PCDHA10: variants seen among roughly 807,000 people sequenced by gnomAD.
The protein encoded by PCDHA10 is protocadherin alpha-10.
Under a neutral mutation model 61.2 loss-of-function variants are expected in PCDHA10, and 45 were observed. The observed-to-expected ratio is 0.74, with a 90% CI of 0.58 to 0.94. The LOEUF (loss-of-function observed/expected upper bound fraction) is 0.94. Among genes scored for constraint, PCDHA10 ranks in the 40% least tolerant of loss-of-function variants. The pLI, the probability that PCDHA10 is intolerant of heterozygous loss-of-function variation, is 0.00. For synonymous variants in PCDHA10, 602 were observed against 548.8 expected (o/e 1.10, Z -1.35); for missense variants, 1,278 against 1,236.2 (o/e 1.03, Z -0.51).
rs782634199 is a variant in PCDHA10 at position 140,882,705 on chromosome 5, G to A, written c.2388+24269G>A. The A allele has an allele frequency of 3.7e-6, 6 of 1,614,172 alleles. No individual in the cohort carries two copies. The South Asian group carries it at 6.6e-5, about 18-fold the overall frequency. On this transcript the variant is annotated intron_variant, in intron 1 of 3. Transcript: ENST00000307360. ...AAACGAATAATCATTGCAGAATCTA[G>A]ACCTCCGGAAACTCGATTTCCACTA...
Position 141,011,633 on chromosome 5 carries a change from G to C in PCDHA10, c.*1696G>C, listed in dbSNP as rs988824031. On this transcript the variant is annotated 3_prime_UTR_variant, in exon 4 of 4. Coordinates refer to ENST00000307360, the MANE Select transcript of PCDHA10 (RefSeq NM_018901.4). ...TTATGGTCCAGCCAAGAGCCATCTC[G>C]TGCCAAGACTTCTGCTGGCAAGGGA... 6.5e-6 allele frequency: 1 copy of C among 153,624 alleles called. No homozygotes were observed. Among genetic ancestry groups the C allele is most frequent in the Non-Finnish European group, 1.5e-5 (1 of 68,022 alleles). 9.5% of individuals were successfully genotyped at this position (153,624 alleles called of 1,614,324 possible). A position where few individuals can be genotyped will look rare whatever the true frequency, so the allele number is the denominator to read the frequency against.
At chr5:140,905,669 A>G (rs781948009) in intron 1 of PCDHA10, among the ~76,000 whole-genome samples, 11 of 152,228 alleles carry the variant, frequency 7.2e-5, no homozygotes, top group Admixed American at 2.0e-4. Flanking sequence ...ATCCATTAAC[A>G]TGGAACATAT....
At chr5:140,991,411 C>G (rs905076175) in intron 3 of PCDHA10, among the ~76,000 whole-genome samples, 8 of 152,156 alleles carry the variant, frequency 5.3e-5, no homozygotes, top group Admixed American at 5.2e-4. Flanking sequence ...TCCCATTATG[C>G]TATAACAAAT....
chr5:140,939,488 T>C (rs1554212750), intron 1 of PCDHA10, among the ~76,000 whole-genome samples: 1 of 151,188 alleles, frequency 6.6e-6, no homozygotes, highest in Non-Finnish European at 1.5e-5. Flanking sequence ...AGAATGTTAA[T>C]TATAAATTCA....
At chr5:140,993,470 A>T (rs1348899420) in intron 3 of PCDHA10, among the ~76,000 whole-genome samples, 10 of 115,268 alleles carry the variant, frequency 8.7e-5, no homozygotes, top group East Asian at 7.9e-4. Flanking sequence ...TCTCACACAC[A>T]CACACACACA....
At chr5:141,005,701 CAAAAAAAAAAAAAAAAAAAA>C (rs59860837) in intron 3 of PCDHA10, among the ~76,000 whole-genome samples, 1 of 7,786 alleles carries the variant, frequency 1.3e-4, no homozygotes, top group Admixed American at 1.6e-3. Flanking sequence ...AACTCCGTCT[CAAAAAAAAAAAAAAAAAAAA>C]AAAAAAAAAA....
At chr5:140,986,052 C>A (rs896963006) in intron 3 of PCDHA10, among the ~76,000 whole-genome samples, 3 of 152,066 alleles carry the variant, frequency 2.0e-5, no homozygotes, top group Admixed American at 1.3e-4. Flanking sequence ...CTGATGAATT[C>A]TTTTGCTTTT....
In PCDHA10 at chr5:140,952,512, CATCT is replaced by C. The variant is rs2094757607; in HGVS notation, c.2389-26436_2389-26433del. ...CAGTCCTCAGTAAGTTCCTCATCTC[CATCT>C]GAGACCTCCTCAGACTGGACTTCTT... On this transcript the variant is annotated intron_variant, in intron 1 of 3. Coordinates refer to ENST00000307360, the MANE Select transcript of PCDHA10 (RefSeq NM_018901.4). 2.0e-5 allele frequency among the ~76,000 whole-genome samples: 3 copies of C among 152,242 alleles called. No individual in the cohort carries two copies. The South Asian group carries it at 6.2e-4, about 32-fold the overall frequency.
chr5:140,966,659 G>T, intron 1 of PCDHA10: 1 of 1,217,656 alleles, frequency 8.2e-7, no homozygotes, highest in South Asian at 2.0e-5. Flanking sequence ...AGCGGTGGGG[G>T]AGCAGGCGCA....
At chr5:140,883,244 G>C in intron 1 of PCDHA10, 3 of 1,614,014 alleles carry the variant, frequency 1.9e-6, no homozygotes, top group Non-Finnish European at 2.5e-6. Context: ...AGTTGACAAA[G>C]GAAATATTCC....
At chr5:140,891,849 C>G (rs1446447359) in intron 1 of PCDHA10, among the ~76,000 whole-genome samples, 2 of 152,262 alleles carry the variant, frequency 1.3e-5, no homozygotes, top group African/African-American at 4.8e-5. Context: ...TGGAAGGAGC[C>G]TGTCCCTCTC....
chr5:140,924,178 A>C (rs2081709408), intron 1 of PCDHA10, among the ~76,000 whole-genome samples: 3 of 152,260 alleles, frequency 2.0e-5, no homozygotes. Context: ...GCACTGAAGC[A>C]GAAAATTAGT....
intron 1 of PCDHA10, chr5:140,966,708 C>G (rs1033433543): frequency 7.2e-7 from 1 of 1,384,746 alleles, no homozygotes; most frequent in Non-Finnish European, 9.3e-7. Context: ...GCGTGGGGCA[C>G]GGCTGGGGAA....
chr5:140,912,878 T>C (rs2076104558), intron 1 of PCDHA10, among the ~76,000 whole-genome samples: 1 of 152,236 alleles, frequency 6.6e-6, no homozygotes, highest in Non-Finnish European at 1.5e-5. Flanking sequence ...GTTTTTGGTC[T>C]TCATTCTGTT....
At chr5:140,958,530 A>G (rs1283308982) in intron 1 of PCDHA10, among the ~76,000 whole-genome samples, 1 of 152,188 alleles carries the variant, frequency 6.6e-6, no homozygotes, top group East Asian at 1.9e-4. Flanking sequence ...TACTATGTGT[A>G]CATTGATTTA....
intron 1 of PCDHA10, among the ~76,000 whole-genome samples, chr5:140,942,409 TAAA>T (rs78736997): frequency 7.0e-6 from 1 of 143,620 alleles, no homozygotes; most frequent in Non-Finnish European, 1.5e-5. Context: ...AGACTCTGTT[TAAA>T]AAAAAAAAAG....
At position 141,010,091 on chromosome 5, in the gene PCDHA10, A is replaced by G; in HGVS notation, c.*154A>G. The G allele has an allele frequency of 6.2e-7, 1 of 1,612,860 alleles. No individual in the cohort carries two copies. The highest frequency in any genetic ancestry group is 8.5e-7 in the Non-Finnish European group (1 of 1,179,382). ...AGTTCCCTGTGTCTGTCTAGAACGCATTTAACAGGTTTTGTCGTAAAAGCT... is the reference window on the plus strand; with the variant it reads ...AGTTCCCTGTGTCTGTCTAGAACGCGTTTAACAGGTTTTGTCGTAAAAGCT... On this transcript the variant is annotated 3_prime_UTR_variant, in exon 4 of 4. Coordinates refer to ENST00000307360, the MANE Select transcript of PCDHA10 (RefSeq NM_018901.4).
rs1019135464 is a variant in PCDHA10, at chr5:140,897,033, A to G, written c.2388+38597A>G. On this transcript the variant is annotated intron_variant, in intron 1 of 3. Transcript: ENST00000307360. ...TATACAACTAAATTATTTAGACCAT[A>G]GTCACCCTATTCTGCTGTCAAATAC... Among the ~76,000 whole-genome samples, 4 of 152,124 alleles carry G rather than the reference A, an allele frequency of 2.6e-5. No homozygotes were observed. The East Asian group carries it at 7.7e-4, about 29-fold the overall frequency.
intron 1 of PCDHA10, chr5:140,926,761 T>G: frequency 7.6e-7 from 1 of 1,323,628 alleles, no homozygotes; most frequent in East Asian, 2.8e-5. Context: ...TCGCTGAGTA[T>G]CCAGCCCGCA....
Sources: gnomAD v4.1 joint callset for allele counts (sites outside exome capture counted in the v4.1 genomes callset) on GRCh38, gnomAD v4.1.1 for gene constraint, MANE v1.5 for transcripts, NCBI Gene and HGNC (gene_info 2026-07-23, HGNC 2026-07-21) for gene names.